The following LMF1 variants were observed in gnomAD, a reference collection of about 807,000 sequenced individuals.
LMF1 encodes the protein lipase maturation factor 1.
LMF1 carries 68 observed loss-of-function variants against 60.6 expected under a neutral mutation model. That is an observed-to-expected ratio of 1.12 (90% CI 0.92 to 1.37). The LOEUF is 1.37. Ranked by LOEUF, LMF1 falls within the 40% of genes most tolerant of loss-of-function variation. LMF1 has a pLI of 0.00. For missense variants in LMF1, 948 were observed against 767.2 expected (o/e 1.24, Z -2.78); for synonymous variants, 418 against 324.7 (o/e 1.29, Z -3.09).
chr16:971,598 G>T (rs982237267), upstream of LMF1, among the ~76,000 whole-genome samples: 1 of 152,320 alleles, frequency 6.6e-6, no homozygotes, highest in South Asian at 2.1e-4. Flanking sequence ...TTCAAGCTGT[G>T]GGGGAAGAGG....
chr16:935,314 C>CA lies in LMF1; in HGVS notation c.504-1061dup, dbSNP rs2071908532. On this transcript the variant is annotated intron_variant, in intron 2 of 10. Transcript: ENST00000262301. ...TTTGCCATGTTGCCCTGGCTGGTCT[C>CA]AAACTCCTAGACTCAGGCGATCCTC... Among the ~76,000 whole-genome samples the CA allele has an allele frequency of 6.6e-5, 10 of 152,178 alleles. No homozygotes were observed. In the South Asian group the frequency reaches 2.1e-3, roughly 32 times the overall value.
At chr16:921,614 T>C (rs894821876) in intron 3 of LMF1, among the ~76,000 whole-genome samples, 11 of 152,174 alleles carry the variant, frequency 7.2e-5, no homozygotes, top group Non-Finnish European at 1.3e-4. Flanking sequence ...TCCCTATACC[T>C]TGATGGGGCT....
intron 2 of LMF1, chr16:952,469 G>A (rs111375220): frequency 0.064 from 9,649 of 151,868 alleles, 376 homozygotes; most frequent in Non-Finnish European, 0.089. Flanking sequence ...TCAGGCTCCC[G>A]GAAGTGCACG....
chr16:880,584 C>T (rs766156201), intron 5 of LMF1, among the ~76,000 whole-genome samples: 1 of 152,222 alleles, frequency 6.6e-6, no homozygotes, highest in Non-Finnish European at 1.5e-5. Context: ...TCAGGAGGAT[C>T]GCCTGAACCC....
At chr16:981,122 C>T in intron 1 of LMF1, 1 of 426,496 alleles carries the variant, frequency 2.3e-6, no homozygotes, top group Non-Finnish European at 4.7e-6. Flanking sequence ...AGCTCCGAGC[C>T]GCGGCCCCTT....
At chr16:914,109 G>A (rs902367216) in intron 3 of LMF1, among the ~76,000 whole-genome samples, 4 of 152,006 alleles carry the variant, frequency 2.6e-5, no homozygotes, top group South Asian at 4.1e-4. Context: ...GAGGCCCTAC[G>A]AGATGCTGAG....
chr16:911,604 C>CT (rs1484867360), intron 3 of LMF1, among the ~76,000 whole-genome samples: 1 of 25,120 alleles, frequency 4.0e-5, no homozygotes, highest in Non-Finnish European at 6.1e-5. Context: ...GGGGGCAGCA[C>CT]TGGGGGGGCA....
chr16:855,548 G>A, intron 10 of LMF1: 1 of 367,734 alleles, frequency 2.7e-6, no homozygotes, highest in Non-Finnish European at 5.4e-6. Flanking sequence ...CCCGGAGGAG[G>A]AGGCGCCAGG....
At chr16:967,273 C>G (rs1046630786) in intron 1 of LMF1, among the ~76,000 whole-genome samples, 3 of 152,262 alleles carry the variant, frequency 2.0e-5, no homozygotes, top group African/African-American at 7.2e-5. Context: ...CGCCCCCGTA[C>G]TGCAGGGTTG....
intron 1 of LMF1, among the ~76,000 whole-genome samples, chr16:965,104 G>A (rs1378760933): frequency 6.6e-6 from 1 of 152,212 alleles, no homozygotes; most frequent in East Asian, 1.9e-4. Context: ...CTCCGTTCCC[G>A]CCAGCGTTGG....
Position 870,057 on chromosome 16 carries a change from C to T in LMF1, c.1242G>A (p.Lys414=). The change falls in exon 9 of 11, where the codon AAG becomes AAA. Residue 414 remains lysine, a synonymous_variant. Coordinates refer to ENST00000262301, the MANE Select transcript of LMF1 (RefSeq NM_022773.4). ...NTYGAFGSIT[K]ERAEVILQGT... ...CCTGCAGGATCACCTCCGCCCGCTCCTTGGTGATGCTGCCGGGAGACCGAG... is the reference window on the plus strand; with the variant it reads ...CCTGCAGGATCACCTCCGCCCGCTCTTTGGTGATGCTGCCGGGAGACCGAG... 5 of 1,608,526 alleles carry T rather than the reference C, an allele frequency of 3.1e-6. No homozygotes were observed. The highest frequency in any genetic ancestry group is 4.2e-6 in the Non-Finnish European group (5 of 1,179,450).
Position 897,030 on chromosome 16 carries a change from C to A in LMF1, c.664-3958G>T, listed in dbSNP as rs549111443. Among the ~76,000 whole-genome samples, 3 of 152,084 alleles carry A rather than the reference C, an allele frequency of 2.0e-5. No individual in the cohort carries two copies. Among genetic ancestry groups the A allele is most frequent in the Non-Finnish European group, 4.4e-5 (3 of 67,984 alleles). ...AAAATGGCACAGACAGGCCAATAAACGCACCAGACCCAAAGGGAGCCGGGG... is the reference window on the plus strand; with the variant it reads ...AAAATGGCACAGACAGGCCAATAAAAGCACCAGACCCAAAGGGAGCCGGGG... On this transcript the variant is annotated intron_variant, in intron 4 of 10. Transcript: ENST00000262301. The surrounding 1 kb of genome is among the most constrained non-coding windows in gnomAD (Gnocchi z 4.3).
intron 1 of LMF1, among the ~76,000 whole-genome samples, chr16:964,899 G>T (rs968718992): frequency 2.0e-5 from 3 of 152,228 alleles, no homozygotes. Flanking sequence ...CGATAAAACT[G>T]CCCCACGCGG....
intron 6 of LMF1, among the ~76,000 whole-genome samples, chr16:875,307 G>T (rs986909296): frequency 6.6e-6 from 1 of 152,114 alleles, no homozygotes; most frequent in Non-Finnish European, 1.5e-5. Context: ...AAGGGAACCC[G>T]CAGCCTGGCC....
intron 5 of LMF1, among the ~76,000 whole-genome samples, chr16:892,439 G>A (rs1386903298): frequency 6.6e-6 from 1 of 152,226 alleles, no homozygotes; most frequent in Non-Finnish European, 1.5e-5. Context: ...GAACACGTGA[G>A]CTCCAGGCCC....
At chr16:856,298 C>A (rs753064499) in intron 10 of LMF1, among the ~76,000 whole-genome samples, 4 of 152,102 alleles carry the variant, frequency 2.6e-5, no homozygotes, top group Non-Finnish European at 5.9e-5. Context: ...CCAGGTGGTG[C>A]CAGGCAGAGA....
chr16:901,250 C>T (rs1236888148), intron 4 of LMF1: 1 of 152,240 alleles, frequency 6.6e-6, no homozygotes, highest in African/African-American at 2.4e-5. Flanking sequence ...ACCTCTGCAC[C>T]CCAACACAGC....
In LMF1 at chr16:854,407, T is replaced by C; in HGVS notation, c.*125A>G. On this transcript the variant is annotated 3_prime_UTR_variant, in exon 11 of 11. Coordinates refer to ENST00000262301, the MANE Select transcript of LMF1 (RefSeq NM_022773.4). The stretch of plus-strand genomic sequence containing the variant: ...CACCCTGGACCCCCGTGCTGGGGGC[T>C]GGGTCCCACCGCTCTCCTCTCCACG... The C allele has an allele frequency of 1.0e-6, 1 of 986,436 alleles. No homozygotes were observed. Among genetic ancestry groups the C allele is most frequent in the South Asian group, 1.4e-5 (1 of 70,026 alleles). The allele number at this position is 986,436 out of a possible 1,614,324, so 61.1% of individuals were successfully genotyped here.
At chr16:975,644 G>C (rs1012381142), upstream of LMF1, 26 of 375,028 alleles carry the variant, frequency 6.9e-5, no homozygotes, top group African/African-American at 4.9e-4. Flanking sequence ...TCTGAACCAA[G>C]GCCACAGAGG....
Sources: allele counts gnomAD v4.1 joint callset (sites outside exome capture counted in the v4.1 genomes callset), GRCh38; gene constraint gnomAD v4.1.1; non-coding constraint Gnocchi (gnomAD v3.1); transcripts MANE v1.5; gene names NCBI Gene and HGNC (gene_info 2026-07-23, HGNC 2026-07-21).